The following TP53BP2 variants were observed in gnomAD, a reference collection of about 807,000 sequenced individuals.
The protein encoded by TP53BP2 is apoptosis-stimulating of p53 protein 2.
Under a neutral mutation model 126.2 loss-of-function variants are expected in TP53BP2, and 62 were observed. That is an observed-to-expected ratio of 0.49 (90% CI 0.40 to 0.61). The LOEUF (loss-of-function observed/expected upper bound fraction) is 0.61. TP53BP2 is among the 20% of genes least tolerant of loss of function. TP53BP2 has a pLI of 0.00. For missense variants in TP53BP2, 1,215 were observed against 1,402.8 expected (o/e 0.87, Z 2.14); for synonymous variants, 485 against 502.9 (o/e 0.96, Z 0.48).
chr1:223,820,468 G>A (rs182058682), intron 2 of TP53BP2, among the ~76,000 whole-genome samples: 1 of 152,332 alleles, frequency 6.6e-6, no homozygotes, highest in East Asian at 1.9e-4. Flanking sequence ...TTCGGAGACT[G>A]CAGAAGACCT....
chr1:223,840,021 CAAAT>C (rs1005411560), intron 1 of TP53BP2, among the ~76,000 whole-genome samples: 4 of 152,226 alleles, frequency 2.6e-5, no homozygotes, highest in African/African-American at 7.2e-5. Flanking sequence ...GATTATCATC[CAAAT>C]AAATAATTTG....
At chr1:223,823,177 C>T (rs1345832597) in intron 1 of TP53BP2, among the ~76,000 whole-genome samples, 5 of 152,156 alleles carry the variant, frequency 3.3e-5, no homozygotes, top group African/African-American at 4.8e-5. Context: ...AATTGGAGGG[C>T]CTACCAACAG....
chr1:223,830,009 G>A (rs1663642189), intron 1 of TP53BP2, among the ~76,000 whole-genome samples: 1 of 152,186 alleles, frequency 6.6e-6, no homozygotes. Flanking sequence ...AAACTCTAAA[G>A]CATACTTAAG....
At chr1:223,807,219 G>A (rs1662754520) in intron 4 of TP53BP2, among the ~76,000 whole-genome samples, 1 of 152,070 alleles carries the variant, frequency 6.6e-6, no homozygotes, top group Non-Finnish European at 1.5e-5. Flanking sequence ...AACAGTCAGG[G>A]ACATAAATGG....
At chr1:223,809,001 T>G (rs1440368444) in intron 4 of TP53BP2, among the ~76,000 whole-genome samples, 1 of 152,106 alleles carries the variant, frequency 6.6e-6, no homozygotes, top group East Asian at 1.9e-4. Flanking sequence ...AGTAAAACTC[T>G]GGTGGGCATG....
At chr1:223,806,702 T>C (rs1364919786) in intron 5 of TP53BP2, 144 bp downstream of exon 5, 8 of 603,542 alleles carry the variant, frequency 1.3e-5, no homozygotes, top group Non-Finnish European at 2.4e-5. Flanking sequence ...CGTCTGCCTG[T>C]AATCCCAGCT....
chr1:223,842,004 C>G (rs999062669), intron 1 of TP53BP2, among the ~76,000 whole-genome samples: 3 of 151,602 alleles, frequency 2.0e-5, no homozygotes, highest in African/African-American at 7.3e-5. Context: ...TCAAGATTCG[C>G]GATCTCGGCT....
intron 17 of TP53BP2, among the ~76,000 whole-genome samples, chr1:223,783,329 T>G (rs529523540): frequency 2.6e-4 from 39 of 152,356 alleles, no homozygotes; most frequent in Middle Eastern, 6.8e-3. Flanking sequence ...TAGAGGCCAG[T>G]GCTCACAACC....
intron 1 of TP53BP2, among the ~76,000 whole-genome samples, chr1:223,841,938 C>T (rs1266582219): frequency 3.4e-5 from 5 of 147,624 alleles, no homozygotes; most frequent in South Asian, 2.1e-4. Flanking sequence ...GAGACAGTCT[C>T]GCTCTGTCCC....
rs548694422 is a variant in TP53BP2, at chr1:223,809,213, C to T, written c.372+1218G>A. Reference sequence around the variant, plus strand: ...ATTGTGTCCATATGCACTAAAACAACGGCTAAGATCATTTTTATCATCTGC... The same window carrying T: ...ATTGTGTCCATATGCACTAAAACAATGGCTAAGATCATTTTTATCATCTGC... On this transcript the variant is annotated intron_variant, in intron 4 of 17. Transcript: ENST00000343537. 2.6e-5 allele frequency among the ~76,000 whole-genome samples: 4 copies of T among 152,208 alleles called. No homozygotes were observed. In the South Asian group the frequency reaches 8.3e-4, roughly 32 times the overall value.
intron 13 of TP53BP2, 150 bp from the exon 14 acceptor site, chr1:223,793,590 C>A: frequency 1.1e-6 from 1 of 874,502 alleles, no homozygotes; most frequent in Non-Finnish European, 1.6e-6. Context: ...TAACATTATT[C>A]AGAAAAGTAT....
At chr1:223,820,460 C>T (rs1161924785) in intron 2 of TP53BP2, among the ~76,000 whole-genome samples, 6 of 152,092 alleles carry the variant, frequency 3.9e-5, no homozygotes, top group East Asian at 1.9e-4. Flanking sequence ...GAAAGTAATT[C>T]GGAGACTGCA....
At position 223,814,301 on chromosome 1, in the gene TP53BP2, T is replaced by C; in HGVS notation, c.228A>G (p.Gly76=). Residue 76 remains glycine (G), a synonymous_variant, in exon 3 of 18, where the codon GGA becomes GGG. Coordinates refer to ENST00000343537, the MANE Select transcript of TP53BP2 (RefSeq NM_001031685.3). The part of the protein sequence containing the change: ...ERMFDVLQRF[G]SQRNEVRFFL... ...AGAAGCGAACTTCGTTCCTCTGACT[T>C]CCAAATCGTTGAAGAACATCAAACA... The C allele has an allele frequency of 6.2e-7, 1 of 1,613,928 alleles. No individual in the cohort carries two copies. Among genetic ancestry groups the C allele is most frequent in the Non-Finnish European group, 8.5e-7 (1 of 1,179,842 alleles).
In TP53BP2 at chr1:223,803,383, T is replaced by G; in HGVS notation, c.719A>C (p.Lys240Thr). The G allele has an allele frequency of 6.2e-7, 1 of 1,614,026 alleles. No individual in the cohort carries two copies. Among genetic ancestry groups the G allele is most frequent in the Non-Finnish European group, 8.5e-7 (1 of 1,179,948 alleles). ...KQRELVLAVS[K>T]VEELTRQLEM... Reference sequence around the variant, plus strand: ...TAGCTGCCTGGTCAGTTCTTCTACTTTTGACACAGCCAGGACGAGCTCCCT... The same window carrying G: ...TAGCTGCCTGGTCAGTTCTTCTACTGTTGACACAGCCAGGACGAGCTCCCT... The change falls in exon 7 of 18, where the codon AAA (lysine) becomes ACA (threonine). Residue 240 changes from lysine to threonine, a missense_variant. This residue lies in a region of TP53BP2 where 814 missense variants were observed against 853.0 expected (regional missense o/e 0.95). Coordinates refer to ENST00000343537, the MANE Select transcript of TP53BP2 (RefSeq NM_001031685.3).
At position 223,789,062 on chromosome 1, in the gene TP53BP2, C is replaced by G; in HGVS notation, c.3109G>C (p.Asp1037His). 1 of 1,614,234 alleles carries G rather than the reference C, an allele frequency of 6.2e-7. No individual in the cohort carries two copies. Among genetic ancestry groups the G allele is most frequent in the Non-Finnish European group, 8.5e-7 (1 of 1,180,034 alleles). ...MTYSDMQTAA[D>H]KCEEMEEGYT... ...CCTTCCTCCATTTCCTCGCACTTAT[C>G]TGCAGCAGTCTGCATGTCACTGTAG... Residue 1037 changes from aspartate (D) to histidine (H), a missense_variant, in exon 16 of 18, where the codon GAT becomes CAT. By Grantham distance (81) the Asp-to-His change is moderately conservative. This residue lies in a region of TP53BP2 where 151 missense variants were observed against 231.2 expected (regional missense o/e 0.65). Coordinates refer to ENST00000343537, the MANE Select transcript of TP53BP2 (RefSeq NM_001031685.3).
intron 4 of TP53BP2, 94 bp from the exon 5 acceptor site, chr1:223,807,041 G>T: frequency 1.2e-6 from 1 of 839,510 alleles, no homozygotes; most frequent in Non-Finnish European, 1.9e-6. Flanking sequence ...AGCTTCATAT[G>T]AACCAACTAT....
At chr1:223,781,283 GAAGA>G (rs1661769317) in intron 17 of TP53BP2, among the ~76,000 whole-genome samples, 1 of 152,232 alleles carries the variant, frequency 6.6e-6, no homozygotes, top group Non-Finnish European at 1.5e-5. Context: ...TATTAGGAAG[GAAGA>G]AAGAGACTGA....
intron 9 of TP53BP2, 91 bp from the exon 10 acceptor site, chr1:223,800,901 A>T: frequency 1.2e-6 from 1 of 855,828 alleles, no homozygotes; most frequent in Non-Finnish European, 1.8e-6. Flanking sequence ...CTCTAAAAAC[A>T]GCTTTAAATT....
At chr1:223,788,037 C>G (rs1345029283) in intron 16 of TP53BP2, among the ~76,000 whole-genome samples, 1 of 151,930 alleles carries the variant, frequency 6.6e-6, no homozygotes, top group African/African-American at 2.4e-5. Flanking sequence ...CCACTGCACT[C>G]CAGCCTGGGT....
Sources: allele counts gnomAD v4.1 joint callset (sites outside exome capture counted in the v4.1 genomes callset), GRCh38; gene constraint gnomAD v4.1.1; regional missense constraint gnomAD v4.1.1; transcripts MANE v1.5; gene names NCBI Gene and HGNC (gene_info 2026-07-23, HGNC 2026-07-21).